ZFHX3: variants seen among roughly 807,000 people sequenced by gnomAD.
ZFHX3 encodes zinc finger homeobox 3.
In ZFHX3, 42 loss-of-function variants were observed where a neutral mutation model predicts 279.1. The observed-to-expected ratio is 0.15, with a 90% CI of 0.12 to 0.19. The LOEUF is 0.19. Ranked by LOEUF, ZFHX3 falls within the 10% of genes least tolerant of loss-of-function variation. The pLI is 1.00. For synonymous variants in ZFHX3, 2,293 were observed against 1,957.8 expected, an observed-to-expected ratio of 1.17 and a Z score of -4.52; for missense variants, 4,981 against 4,754.0, an observed-to-expected ratio of 1.05 and a Z score of -1.40.
At chr16:73,308,605 C>A (rs1163769673) in intron 4 of ZFHX3, among the ~76,000 whole-genome samples, 4 of 152,016 alleles carry the variant, frequency 2.6e-5, no homozygotes, top group Non-Finnish European at 4.4e-5. Context: ...CCACGCCCAG[C>A]CTATTTTTTA....
chr16:73,848,064 T>A (rs897776400), intron 1 of ZFHX3, among the ~76,000 whole-genome samples: 1 of 151,848 alleles, frequency 6.6e-6, no homozygotes, highest in Non-Finnish European at 1.5e-5. Context: ...CGGCCAATAT[T>A]TATTAGTAGT....
intron 3 of ZFHX3, among the ~76,000 whole-genome samples, chr16:73,353,950 T>C (rs919885999): frequency 5.3e-5 from 8 of 152,216 alleles, no homozygotes; most frequent in Admixed American, 4.6e-4. Context: ...CACATTCAGT[T>C]ATTTAATATT....
upstream of ZFHX3, chr16:73,061,650 T>G (rs2144744453): frequency 6.6e-6 from 1 of 152,302 alleles, no homozygotes; most frequent in South Asian, 2.1e-4. Context: ...TAAGGAAAAT[T>G]GTTCAGACCC....
chr16:72,811,524 A>T (rs2143588774), intron 7 of ZFHX3, 53 bp downstream of exon 7: 2 of 1,474,258 alleles, frequency 1.4e-6, no homozygotes, highest in East Asian at 4.7e-5. Context: ...ATGTTACTGC[A>T]TCACCTTTGA....
intron 3 of ZFHX3, among the ~76,000 whole-genome samples, chr16:73,345,583 T>C (rs891877397): frequency 2.0e-5 from 3 of 152,234 alleles, no homozygotes; most frequent in Admixed American, 6.5e-5. Flanking sequence ...TTCCTTTTTA[T>C]GGCTGCATCA....
At chr16:73,194,685 T>C (rs1968107080) in intron 5 of ZFHX3, among the ~76,000 whole-genome samples, 2 of 152,266 alleles carry the variant, frequency 1.3e-5, no homozygotes, top group African/African-American at 4.8e-5. Context: ...TTGAGTGGTA[T>C]GCCTTTGATG....
chr16:72,929,232 C>A (rs544515174), intron 3 of ZFHX3, among the ~76,000 whole-genome samples: 9 of 149,840 alleles, frequency 6.0e-5, no homozygotes, highest in African/African-American at 2.2e-4. Context: ...AGCCGCCAGA[C>A]CCTGTCTAAA....
At chr16:73,678,193 G>T (rs8063337) in intron 2 of ZFHX3, among the ~76,000 whole-genome samples, 1 of 151,908 alleles carries the variant, frequency 6.6e-6, no homozygotes, top group Non-Finnish European at 1.5e-5. Flanking sequence ...TTCATTTTTC[G>T]ATAACAGGAA....
intron 1 of ZFHX3, among the ~76,000 whole-genome samples, chr16:72,990,030 T>G (rs190816905): frequency 6.6e-6 from 1 of 152,260 alleles, no homozygotes; most frequent in Admixed American, 6.5e-5. Flanking sequence ...AGACCAACTT[T>G]CCCGAATTAT....
intron 3 of ZFHX3, among the ~76,000 whole-genome samples, chr16:73,423,279 GAC>G (rs1454088635): frequency 1.3e-5 from 2 of 152,142 alleles, no homozygotes; most frequent in African/African-American, 4.8e-5. Flanking sequence ...GCATTGGACA[GAC>G]ACAGTTTTAT....
rs1052208017 is a variant in ZFHX3 at position 72,793,264 on chromosome 16, A to G, written c.9418T>C (p.Ser3140Pro). The G allele has an allele frequency of 3.1e-6, 5 of 1,612,334 alleles. No homozygotes were observed. The African/African-American group carries it at 5.3e-5, about 17-fold the overall frequency. The change falls in exon 9 of 10, where the codon TCC becomes CCC. Residue 3140 changes from serine (S) to proline (P), a missense_variant. Ser to Pro is a moderately conservative substitution (Grantham distance 74). This residue lies in a region of ZFHX3 where 1,034 missense variants were observed against 786.0 expected (regional missense o/e 1.32). Coordinates refer to ENST00000268489, the MANE Select transcript of ZFHX3 (RefSeq NM_006885.4). This position sits in a 1 kb window ranked among gnomAD's most constrained non-coding sequence, Gnocchi z 4.3. ...NSPSLPGFTP[S>P]NTALTSPKPN... Reference sequence around the variant, plus strand: ...CTAGAGCAGAACCCACCTGTGTTGGATGGAGTAAAGCCTGGCAAGGAGGGG... The same window carrying G: ...CTAGAGCAGAACCCACCTGTGTTGGGTGGAGTAAAGCCTGGCAAGGAGGGG...
chr16:73,040,819 C>A (rs1485445090), intron 1 of ZFHX3, among the ~76,000 whole-genome samples: 1 of 152,186 alleles, frequency 6.6e-6, no homozygotes. Context: ...TGGTATGAAG[C>A]CCTGATTCCT....
intron 1 of ZFHX3, among the ~76,000 whole-genome samples, chr16:73,707,181 T>C (rs1302044635): frequency 6.6e-6 from 1 of 152,136 alleles, no homozygotes; most frequent in Non-Finnish European, 1.5e-5. Context: ...CCTCAGTATT[T>C]GCTCTTTCCC....
chr16:73,547,779 C>T (rs556792910), intron 2 of ZFHX3, among the ~76,000 whole-genome samples: 16 of 152,296 alleles, frequency 1.1e-4, no homozygotes, highest in South Asian at 8.3e-4. Flanking sequence ...CCCAGCTGTG[C>T]GCCTTCCTCA....
chr16:73,462,215 A>C (rs540167101), intron 2 of ZFHX3, among the ~76,000 whole-genome samples: 1 of 152,202 alleles, frequency 6.6e-6, no homozygotes, highest in East Asian at 1.9e-4. Context: ...ATGCCCTGTG[A>C]CTTTGTTGAA....
intron 2 of ZFHX3, among the ~76,000 whole-genome samples, chr16:73,564,361 C>G (rs1029902233): frequency 6.6e-6 from 1 of 152,200 alleles, no homozygotes. Flanking sequence ...GGGTTTACAT[C>G]CCAGTTCTCA....
chr16:73,107,062 A>G (rs1966314731), intron 7 of ZFHX3, among the ~76,000 whole-genome samples: 1 of 152,222 alleles, frequency 6.6e-6, no homozygotes, highest in African/African-American at 2.4e-5. Flanking sequence ...CATGCCTATA[A>G]TCCTAGTACT....
At chr16:73,427,948 GA>G (rs1035661952) in intron 3 of ZFHX3, among the ~76,000 whole-genome samples, 5 of 151,476 alleles carry the variant, frequency 3.3e-5, no homozygotes, top group Admixed American at 1.3e-4. Flanking sequence ...GTCTCAAAAA[GA>G]AAAAAAACCG....
Position 72,990,947 on chromosome 16 carries a change from T to C in ZFHX3, c.-49-30753A>G, listed in dbSNP as rs556207967. On this transcript the variant is annotated intron_variant, in intron 1 of 9. Transcript: ENST00000268489. ...GTGAACCAAGATCGCGTCACTGCAC[T>C]CCAGCCTGGGTGACAGAGTGAGACC... Among the ~76,000 whole-genome samples the C allele has an allele frequency of 4.0e-5, 6 of 150,856 alleles. No homozygotes were observed. The South Asian group carries it at 1.3e-3, about 32-fold the overall frequency.
Sources: allele counts gnomAD v4.1 joint callset (sites outside exome capture counted in the v4.1 genomes callset), GRCh38; gene constraint gnomAD v4.1.1; regional missense constraint gnomAD v4.1.1; non-coding constraint Gnocchi (gnomAD v3.1); transcripts MANE v1.5; gene names NCBI Gene and HGNC (gene_info 2026-07-23, HGNC 2026-07-21).